SLC5A7: variants seen among roughly 807,000 people sequenced by gnomAD.
SLC5A7 encodes solute carrier family 5 member 7, also known as high affinity choline transporter 1.
Under a neutral mutation model 55.4 loss-of-function variants are expected in SLC5A7, and 19 were observed. That is an observed-to-expected ratio of 0.34 (90% CI 0.24 to 0.50). The LOEUF (loss-of-function observed/expected upper bound fraction) is 0.50. Ranked by LOEUF, SLC5A7 falls within the 20% of genes least tolerant of loss-of-function variation. The probability of loss-of-function intolerance (pLI) is 0.98; values close to 1 mark genes in which losing one functional copy is unlikely to be tolerated. For synonymous variants in SLC5A7, 265 were observed against 263.7 expected (o/e 1.00, Z -0.05); for missense variants, 506 against 705.3 (o/e 0.72, Z 3.20).
At chr2:108,004,200 A>C (rs1678021424) in intron 6 of SLC5A7, among the ~76,000 whole-genome samples, 1 of 152,194 alleles carries the variant, frequency 6.6e-6, no homozygotes, top group African/African-American at 2.4e-5. Context: ...AAAACTTCTG[A>C]TGACCTAAAT....
At position 107,993,061 on chromosome 2, in the gene SLC5A7, G is replaced by A. The variant is rs1222306029; in HGVS notation, c.382G>A (p.Gly128Arg). 3.1e-6 allele frequency: 5 copies of A among 1,614,094 alleles called. No individual in the cohort carries two copies. Among genetic ancestry groups the A allele is most frequent in the African/African-American group, 1.3e-5 (1 of 74,940 alleles). ...FQQIYGKRMG[G>R]LLFIPALMGE... is the part of the protein sequence containing the mutation. The stretch of plus-strand genomic sequence containing the variant: ...GCAAATCTATGGAAAACGCATGGGC[G>A]GACTCCTGTTTATTCCTGCACTGAT... The change falls in exon 4 of 9, where the codon GGA becomes AGA. Residue 128 changes from glycine to arginine, a missense_variant. Physicochemically the swap from Gly to Arg is moderately radical, Grantham distance 125. Coordinates refer to ENST00000264047, the MANE Select transcript of SLC5A7 (RefSeq NM_021815.5).
intron 4 of SLC5A7, among the ~76,000 whole-genome samples, chr2:107,995,735 A>G (rs333214): frequency 0.12 from 17,666 of 152,172 alleles, 1,182 homozygotes; most frequent in Middle Eastern, 0.16. Flanking sequence ...TGTATAGTTC[A>G]CCATTGAAAC....
At chr2:107,991,226 C>A (rs1217367369) in intron 2 of SLC5A7, among the ~76,000 whole-genome samples, 1 of 152,184 alleles carries the variant, frequency 6.6e-6, no homozygotes, top group East Asian at 1.9e-4. Flanking sequence ...CTCCTTGCCT[C>A]AGCTATTGTG....
rs1331986713 is a variant in SLC5A7 at position 108,008,460 on chromosome 2, A to C, written c.896-5A>C. 1 of 1,612,026 alleles carries C rather than the reference A, an allele frequency of 6.2e-7. No individual in the cohort carries two copies. The stretch of plus-strand genomic sequence containing the variant: ...GTTATAATGGTTGTTGATTCTGTTC[A>C]ACAGACTGGAACCAGACTGCATATG... On this transcript the variant is annotated splice_polypyrimidine_tract_variant and splice_region_variant and intron_variant, in intron 7 of 8. Transcript: ENST00000264047.
chr2:107,990,506 C>T (rs1677414855), intron 2 of SLC5A7, among the ~76,000 whole-genome samples: 1 of 151,106 alleles, frequency 6.6e-6, no homozygotes, highest in Non-Finnish European at 1.5e-5. Context: ...TGGTTACACA[C>T]ACAGTGAAAA....
intron 8 of SLC5A7, 132 bp downstream of exon 8, chr2:108,008,814 C>A: frequency 1.6e-6 from 1 of 616,046 alleles, no homozygotes; most frequent in Non-Finnish European, 2.5e-6. Context: ...TTTAAGCATA[C>A]GAGATTAAAT....
chr2:107,990,859 A>G (rs1297966650), intron 2 of SLC5A7, among the ~76,000 whole-genome samples: 1 of 152,148 alleles, frequency 6.6e-6, no homozygotes, highest in African/African-American at 2.4e-5. Flanking sequence ...TAACTGTGAG[A>G]TTTTGGAAAA....
In SLC5A7 at chr2:107,988,129, C is replaced by G. The variant is rs544713269; in HGVS notation, c.-27C>G. 3.3e-5 allele frequency: 53 copies of G among 1,604,958 alleles called. No individual in the cohort carries two copies. The highest frequency in any genetic ancestry group is 4.4e-5 in the Non-Finnish European group (52 of 1,173,266). ...GAAGACTTAATGAAGTAGCCAGCTG[C>G]AGAAGAATCTGGATCATTAGATAAA... is the stretch of plus-strand genomic sequence containing the variant. On this transcript the variant is annotated 5_prime_UTR_variant, in exon 2 of 9. Transcript: ENST00000264047.
At chr2:107,990,720 T>G (rs1236425870) in intron 2 of SLC5A7, among the ~76,000 whole-genome samples, 2 of 152,232 alleles carry the variant, frequency 1.3e-5, no homozygotes, top group Non-Finnish European at 2.9e-5. Context: ...AAAATCTTTT[T>G]ATGTCAACCC....
In SLC5A7 at chr2:108,010,304, G is replaced by T. The variant is rs779794468; in HGVS notation, c.1186G>T (p.Ala396Ser). Residue 396 changes from alanine (A) to serine (S), a missense_variant, in exon 9 of 9, where the codon GCC becomes TCC. Physicochemically the swap from Ala to Ser is moderately conservative, Grantham distance 99. This residue lies in a region of SLC5A7 where 309 missense variants were observed against 478.6 expected (regional missense o/e 0.65). Coordinates refer to ENST00000264047, the MANE Select transcript of SLC5A7 (RefSeq NM_021815.5). ...GTTTGGAGCATCTGCAACAGCCATG[G>T]CCTTGCTGACGAAAACTGTGTATGG... ...FVFGASATAM[A>S]LLTKTVYGLW... 5.6e-6 allele frequency: 9 copies of T among 1,613,838 alleles called. No homozygotes were observed. Among genetic ancestry groups the T allele is most frequent in the Non-Finnish European group, 8.5e-7 (1 of 1,179,934 alleles).
In SLC5A7 at chr2:108,010,565, G is replaced by T. The variant is rs1678284653; in HGVS notation, c.1447G>T (p.Ala483Ser). The part of the protein sequence containing the change: ...YNQKFPFKTL[A>S]MVTSFLTNIC... ...TCAGAAATTTCCATTTAAAACACTT[G>T]CCATGGTTACATCATTCTTAACCAA... The change falls in exon 9 of 9, where the codon GCC becomes TCC. Residue 483 changes from alanine to serine, a missense_variant. Physicochemically the swap from Ala to Ser is moderately conservative, Grantham distance 99 (BLOSUM62 1). This residue lies in a region of SLC5A7 where 137 missense variants were observed against 143.6 expected (regional missense o/e 0.95). Transcript: ENST00000264047. The T allele has an allele frequency of 6.2e-7, 1 of 1,613,776 alleles. No individual in the cohort carries two copies. Among genetic ancestry groups the T allele is most frequent in the African/African-American group, 1.3e-5 (1 of 74,982 alleles).
intron 2 of SLC5A7, among the ~76,000 whole-genome samples, chr2:107,990,742 C>G (rs1327885235): frequency 2.0e-5 from 3 of 152,162 alleles, no homozygotes; most frequent in Non-Finnish European, 4.4e-5. Flanking sequence ...AAGACTCCCT[C>G]TTCTTTGCTT....
At chr2:107,993,849 A>C (rs796251201) in intron 4 of SLC5A7, among the ~76,000 whole-genome samples, 39 of 152,262 alleles carry the variant, frequency 2.6e-4, no homozygotes, top group African/African-American at 9.4e-4. Context: ...CAGAATAGGT[A>C]AGTAATGTAA....
intron 4 of SLC5A7, among the ~76,000 whole-genome samples, chr2:107,995,739 T>C (rs140185633): frequency 8.5e-5 from 13 of 152,294 alleles, no homozygotes; most frequent in Non-Finnish European, 1.9e-4. Context: ...TAGTTCACCA[T>C]TGAAACATAG....
chr2:108,000,561 G>T (rs1307560082), intron 5 of SLC5A7, among the ~76,000 whole-genome samples: 1 of 152,106 alleles, frequency 6.6e-6, no homozygotes, highest in Non-Finnish European at 1.5e-5. Context: ...GCTACCCAAA[G>T]TGCTACGATT....
rs751068657 is a variant in SLC5A7 at position 108,010,746 on chromosome 2, C to A, written c.1628C>A (p.Ala543Glu). 2 of 1,613,572 alleles carry A rather than the reference C, an allele frequency of 1.2e-6. No individual in the cohort carries two copies. The highest frequency in any genetic ancestry group is 1.7e-6 in the Non-Finnish European group (2 of 1,179,848). ...KNENIKLDELALVKPRQSMTL... is the reference protein window; with the variant it reads ...KNENIKLDELELVKPRQSMTL... ...GAAAATATTAAATTAGATGAACTTG[C>A]ACTTGTGAAGCCACGACAGAGCATG... Residue 543 changes from alanine (A) to glutamate (E), a missense_variant, in exon 9 of 9, where the codon GCA (alanine) becomes GAA (glutamate). Transcript: ENST00000264047.
At chr2:107,991,692 G>A (rs888519516) in intron 2 of SLC5A7, among the ~76,000 whole-genome samples, 1 of 151,986 alleles carries the variant, frequency 6.6e-6, no homozygotes, top group Non-Finnish European at 1.5e-5. Flanking sequence ...TTGAAATAAA[G>A]AAAATTTACC....
At chr2:107,991,985 C>G in intron 2 of SLC5A7, 121 bp from the exon 3 acceptor site, 1 of 489,772 alleles carries the variant, frequency 2.0e-6, no homozygotes, top group Non-Finnish European at 3.8e-6. Flanking sequence ...CCTAAAACAA[C>G]TCAATCTAGG....
intron 7 of SLC5A7, among the ~76,000 whole-genome samples, chr2:108,006,664 T>C (rs573059930): frequency 2.0e-5 from 3 of 152,230 alleles, no homozygotes; most frequent in South Asian, 2.1e-4. Flanking sequence ...ATCTGGGGAA[T>C]GGTGGGGAGA....
Sources: allele counts gnomAD v4.1 joint callset (sites outside exome capture counted in the v4.1 genomes callset), GRCh38; gene constraint gnomAD v4.1.1; regional missense constraint gnomAD v4.1.1; transcripts MANE v1.5; gene names NCBI Gene and HGNC (gene_info 2026-07-23, HGNC 2026-07-21).